The following MRPS9 variants were observed in gnomAD, a reference collection of about 807,000 sequenced individuals.
The protein encoded by MRPS9 is small ribosomal subunit protein uS9m.
MRPS9 carries 45 observed loss-of-function variants against 59.9 expected under a neutral mutation model. That is an observed-to-expected ratio of 0.75 (90% CI 0.59 to 0.96). The LOEUF (loss-of-function observed/expected upper bound fraction) is 0.96, where lower values mean the gene tolerates loss of function less well. Among genes scored for constraint, MRPS9 ranks in the 40% least tolerant of loss-of-function variants. The pLI is 0.00. For missense variants in MRPS9, 473 were observed against 481.1 expected (o/e 0.98, Z 0.16); for synonymous variants, 171 against 166.8 (o/e 1.03, Z -0.19).
chr2:105,084,971 A>G (rs1680419632), intron 5 of MRPS9, among the ~76,000 whole-genome samples: 2 of 152,186 alleles, frequency 1.3e-5, no homozygotes, highest in Admixed American at 6.5e-5. Context: ...TAATTACTAT[A>G]ATATATGATG....
intron 5 of MRPS9, among the ~76,000 whole-genome samples, chr2:105,082,161 C>T (rs904461789): frequency 6.6e-6 from 1 of 152,154 alleles, no homozygotes; most frequent in African/African-American, 2.4e-5. Flanking sequence ...CACTGCAGCA[C>T]GGGAGGTCGC....
chr2:105,079,197 A>T (rs1044416183), intron 4 of MRPS9, among the ~76,000 whole-genome samples: 1 of 152,252 alleles, frequency 6.6e-6, no homozygotes. Context: ...TAAAAGTAAA[A>T]GGCAAGTGAC....
chr2:105,075,556 G>A (rs147256802), intron 4 of MRPS9, among the ~76,000 whole-genome samples: 1 of 152,148 alleles, frequency 6.6e-6, no homozygotes, highest in African/African-American at 2.4e-5. Flanking sequence ...AAGAATGAAA[G>A]CTTCTAAATT....
At chr2:105,047,177 T>C (rs978374497) in intron 1 of MRPS9, among the ~76,000 whole-genome samples, 4 of 151,974 alleles carry the variant, frequency 2.6e-5, no homozygotes, top group Non-Finnish European at 5.9e-5. Flanking sequence ...ACAGCAATAC[T>C]GTATCTTCAC....
chr2:105,056,486 G>T (rs1679793275), intron 2 of MRPS9, among the ~76,000 whole-genome samples: 1 of 152,038 alleles, frequency 6.6e-6, no homozygotes, highest in Non-Finnish European at 1.5e-5. Flanking sequence ...ATGTCTACGT[G>T]TCTGCCTCTA....
Position 105,099,807 on chromosome 2 carries a change from G to C in MRPS9, c.*46G>C, listed in dbSNP as rs1407037500. The stretch of plus-strand genomic sequence containing the variant: ...AGAGGAAGAGCTATATATATGTGCC[G>C]ACATGTGGCAGACACACAGTAAATA... On this transcript the variant is annotated 3_prime_UTR_variant, in exon 11 of 11. Coordinates refer to ENST00000258455, the MANE Select transcript of MRPS9 (RefSeq NM_182640.3). 1 of 1,571,698 alleles carries C rather than the reference G, an allele frequency of 6.4e-7. No homozygotes were observed.
At chr2:105,048,378 G>A (rs1292587745) in intron 1 of MRPS9, among the ~76,000 whole-genome samples, 1 of 151,818 alleles carries the variant, frequency 6.6e-6, no homozygotes, top group African/African-American at 2.4e-5. Flanking sequence ...GAGAGGGATA[G>A]CGTTAGGAGA....
intron 4 of MRPS9, among the ~76,000 whole-genome samples, chr2:105,075,697 G>A (rs551484585): frequency 6.6e-6 from 1 of 152,180 alleles, no homozygotes; most frequent in South Asian, 2.1e-4. Flanking sequence ...ATACCAGAGG[G>A]CCTTTTTTTC....
chr2:105,082,166 G>C (rs563588043), intron 5 of MRPS9, among the ~76,000 whole-genome samples: 2 of 152,272 alleles, frequency 1.3e-5, no homozygotes, highest in East Asian at 3.9e-4. Flanking sequence ...CAGCACGGGA[G>C]GTCGCCCCTG....
chr2:105,060,304 C>CA (rs923915210), intron 2 of MRPS9, among the ~76,000 whole-genome samples: 3 of 152,066 alleles, frequency 2.0e-5, no homozygotes, highest in African/African-American at 7.2e-5. Context: ...TTTTTTGAGA[C>CA]AGAGTCTTGC....
At chr2:105,056,749 G>A (rs11900121) in intron 2 of MRPS9, among the ~76,000 whole-genome samples, 33,593 of 152,082 alleles carry the variant, frequency 0.22, 3,782 homozygotes, top group Middle Eastern at 0.35. Flanking sequence ...TAATTTATGT[G>A]TGAAAATTAC....
chr2:105,048,852 C>T (rs1310060510), intron 1 of MRPS9, among the ~76,000 whole-genome samples: 3 of 151,884 alleles, frequency 2.0e-5, no homozygotes, highest in African/African-American at 7.2e-5. Context: ...TATCAAAACT[C>T]ACTGACATTG....
At chr2:105,095,270 G>T (rs747988185) in intron 9 of MRPS9, among the ~76,000 whole-genome samples, 1 of 152,138 alleles carries the variant, frequency 6.6e-6, no homozygotes, top group East Asian at 1.9e-4. Context: ...TACAAGGGAG[G>T]CTTCTGGACA....
intron 5 of MRPS9, 143 bp from the exon 6 acceptor site, chr2:105,088,840 GT>G: frequency 2.2e-6 from 1 of 449,584 alleles, no homozygotes; most frequent in East Asian, 3.3e-5. Context: ...AGCATTTTCA[GT>G]TTTATTTACT....
chr2:105,057,773 T>C (rs896535859), intron 2 of MRPS9, among the ~76,000 whole-genome samples: 3 of 152,244 alleles, frequency 2.0e-5, no homozygotes, highest in African/African-American at 7.2e-5. Context: ...ACCACTGATA[T>C]TTGCATTTTC....
chr2:105,082,069 G>A (rs1680357186), intron 5 of MRPS9, among the ~76,000 whole-genome samples: 1 of 152,156 alleles, frequency 6.6e-6, no homozygotes, highest in Non-Finnish European at 1.5e-5. Context: ...TCGCCTGTCT[G>A]CACTCTCTTT....
chr2:105,042,322 C>T (rs1259074445), intron 1 of MRPS9, among the ~76,000 whole-genome samples: 2 of 152,240 alleles, frequency 1.3e-5, no homozygotes, highest in Non-Finnish European at 1.5e-5. Context: ...CTGAAGGCCC[C>T]AGGTCCTTGC....
chr2:105,090,104 G>A (rs569429644), intron 7 of MRPS9, 109 bp downstream of exon 7: 12 of 526,026 alleles, frequency 2.3e-5, no homozygotes, highest in East Asian at 1.8e-4. Context: ...GTGTTCCTAC[G>A]ATGACTTTTC....
At chr2:105,089,165 T>G (rs1680508743) in intron 6 of MRPS9, 96 bp downstream of exon 6, 3 of 849,982 alleles carry the variant, frequency 3.5e-6, no homozygotes, top group Admixed American at 4.8e-5. Flanking sequence ...GCCTAAAATT[T>G]GTTCAGTATT....
Sources: gnomAD v4.1 joint callset for allele counts (sites outside exome capture counted in the v4.1 genomes callset) on GRCh38, gnomAD v4.1.1 for gene constraint, MANE v1.5 for transcripts, NCBI Gene and HGNC (gene_info 2026-07-23, HGNC 2026-07-21) for gene names.